CYB5D2: variants seen among roughly 807,000 people sequenced by gnomAD.
CYB5D2 encodes neuferricin.
A neutral mutation model predicts 22.8 loss-of-function variants in CYB5D2; 23 were observed. That is an observed-to-expected ratio of 1.01 (90% CI 0.73 to 1.43). The LOEUF (loss-of-function observed/expected upper bound fraction) is 1.43. Ranked by LOEUF, CYB5D2 falls within the 40% of genes most tolerant of loss-of-function variation. The pLI, the probability that CYB5D2 is intolerant of heterozygous loss-of-function variation, is 0.00. For synonymous variants in CYB5D2, 170 were observed against 152.2 expected, an observed-to-expected ratio of 1.12 and a Z score of -0.86; for missense variants, 373 against 357.2, an observed-to-expected ratio of 1.04 and a Z score of -0.36.
intron 1 of CYB5D2, among the ~76,000 whole-genome samples, chr17:4,145,594 C>G (rs2058981227): frequency 1.3e-5 from 2 of 152,180 alleles, no homozygotes; most frequent in Non-Finnish European, 2.9e-5. Context: ...CTCCCGTGTT[C>G]TGGTATTCAT....
chr17:4,143,748 C>G lies in CYB5D2; in HGVS notation c.-8C>G, dbSNP rs761245074. Reference sequence around the variant, plus strand: ...CCTCGGAAGTGCGGAGCGGGTGGGCCTATATAGATGTTGAGGTGCGGAGGC... The same window carrying G: ...CCTCGGAAGTGCGGAGCGGGTGGGCGTATATAGATGTTGAGGTGCGGAGGC... On this transcript the variant is annotated 5_prime_UTR_variant, in exon 1 of 4. Coordinates refer to ENST00000301391, the MANE Select transcript of CYB5D2 (RefSeq NM_144611.4). 1.2e-6 allele frequency: 2 copies of G among 1,612,020 alleles called. No individual in the cohort carries two copies. Among genetic ancestry groups the G allele is most frequent in the Non-Finnish European group, 1.7e-6 (2 of 1,179,158 alleles).
chr17:4,156,270 G>A (rs1389479704), intron 3 of CYB5D2, among the ~76,000 whole-genome samples: 2 of 152,258 alleles, frequency 1.3e-5, no homozygotes, highest in African/African-American at 4.8e-5. Context: ...AGGTTGTTGG[G>A]CCACAGCTGA....
chr17:4,153,099 G>C (rs1196002608), intron 2 of CYB5D2, among the ~76,000 whole-genome samples: 1 of 152,104 alleles, frequency 6.6e-6, no homozygotes, highest in African/African-American at 2.4e-5. Context: ...TGAGTACTGC[G>C]CCTCACTAGT....
intron 2 of CYB5D2, among the ~76,000 whole-genome samples, 182 bp from the exon 3 acceptor site, chr17:4,154,492 G>A (rs571990267): frequency 1.3e-5 from 2 of 152,324 alleles, no homozygotes; most frequent in African/African-American, 4.8e-5. Context: ...GCAGCTGTGT[G>A]GGGGCTTGTA....
At chr17:4,148,143 A>G (rs1254221919) in intron 1 of CYB5D2, among the ~76,000 whole-genome samples, 3 of 152,130 alleles carry the variant, frequency 2.0e-5, no homozygotes, top group Admixed American at 2.0e-4. Flanking sequence ...GTGGGTGGAG[A>G]CAGGCAGACT....
intron 3 of CYB5D2, among the ~76,000 whole-genome samples, chr17:4,155,658 T>C (rs2059105907): frequency 6.6e-6 from 1 of 152,186 alleles, no homozygotes; most frequent in South Asian, 2.1e-4. Flanking sequence ...TGGGCCTTCC[T>C]GTGACACAGG....
chr17:4,143,949 A>T lies in CYB5D2; in HGVS notation c.194A>T (p.Asp65Val). The T allele has an allele frequency of 6.2e-7, 1 of 1,613,148 alleles. No homozygotes were observed. The highest frequency in any genetic ancestry group is 8.5e-7 in the Non-Finnish European group (1 of 1,179,916). Residue 65 changes from aspartate (D) to valine (V), a missense_variant, in exon 1 of 4, where the codon GAT becomes GTT. Asp to Val is a radical substitution (Grantham distance 152). Coordinates refer to ENST00000301391, the MANE Select transcript of CYB5D2 (RefSeq NM_144611.4). ...TTGGCGTTGCTCGGCCGTGTCTACG[A>T]TGTGTCCTCCGGCCGGAGGCACTAC... Reference protein sequence around the residue: ...LYLALLGRVYDVSSGRRHYEP... With the variant: ...LYLALLGRVYVVSSGRRHYEP...
Position 4,149,898 on chromosome 17 carries a change from C to T in CYB5D2, c.258C>T (p.Asp86=), listed in dbSNP as rs757679512. 1.1e-5 allele frequency: 18 copies of T among 1,613,612 alleles called. No homozygotes were observed. Among genetic ancestry groups the T allele is most frequent in the East Asian group, 1.1e-4 (5 of 44,866 alleles). Residue 86 remains aspartate (D), a synonymous_variant, in exon 2 of 4, where the codon GAC becomes GAT. Transcript: ENST00000301391. Reference sequence around the variant, plus strand: ...GAAACATCTCTGTTCCAGGCCGAGACGCATCCAGAGCTTTCGTGACCGGGG... The same window carrying T: ...GAAACATCTCTGTTCCAGGCCGAGATGCATCCAGAGCTTTCGTGACCGGGG... ...GSHYSGFAGR[D]ASRAFVTGDC...
In CYB5D2 at chr17:4,143,700, T is replaced by G; in HGVS notation, c.-56T>G. 1 of 1,543,752 alleles carries G rather than the reference T, an allele frequency of 6.5e-7. No individual in the cohort carries two copies. Among genetic ancestry groups the G allele is most frequent in the Non-Finnish European group, 8.7e-7 (1 of 1,143,936 alleles). ...CGTCACGCTCGGCGTCTCGGCCATC[T>G]TAGCTGTAGATAGAGGCGGCAACCT... is the stretch of plus-strand genomic sequence containing the variant. On this transcript the variant is annotated 5_prime_UTR_variant, in exon 1 of 4. Coordinates refer to ENST00000301391, the MANE Select transcript of CYB5D2 (RefSeq NM_144611.4).
chr17:4,154,834 C>T lies in CYB5D2; in HGVS notation c.552C>T (p.Gly184=). The stretch of plus-strand genomic sequence containing the variant: ...ACGCGGAGTGGAGCTCAGCCAGGGG[C>T]AGCCGGCTCTGGTGCTCCCAGAAGA... ...PCNAEWSSAR[G]SRLWCSQKSG... The change falls in exon 3 of 4, where the codon GGC becomes GGT. Residue 184 remains glycine (G), a synonymous_variant. Transcript: ENST00000301391. The T allele has an allele frequency of 5.0e-6, 8 of 1,613,894 alleles. No individual in the cohort carries two copies. The highest frequency in any genetic ancestry group is 6.8e-6 in the Non-Finnish European group (8 of 1,179,916).
intron 1 of CYB5D2, among the ~76,000 whole-genome samples, chr17:4,145,385 CAG>C (rs1407769105): frequency 2.0e-5 from 3 of 152,216 alleles, no homozygotes; most frequent in Non-Finnish European, 2.9e-5. Context: ...GGGACTTACT[CAG>C]GGGTACACAG....
intron 2 of CYB5D2, 110 bp downstream of exon 2, chr17:4,150,141 A>G (rs1010225922): frequency 1.6e-5 from 22 of 1,395,198 alleles, no homozygotes; most frequent in Non-Finnish European, 2.1e-5. Flanking sequence ...ACAGCCATGG[A>G]TTTGTTTTAC....
At chr17:4,146,208 C>G (rs2058989429) in intron 1 of CYB5D2, among the ~76,000 whole-genome samples, 1 of 150,440 alleles carries the variant, frequency 6.6e-6, no homozygotes. Context: ...ATTCTTGTGC[C>G]CCAGCCTCCC....
chr17:4,150,184 C>A (rs147852286), intron 2 of CYB5D2, among the ~76,000 whole-genome samples, 153 bp downstream of exon 2: 1 of 152,156 alleles, frequency 6.6e-6, no homozygotes, highest in Non-Finnish European at 1.5e-5. Flanking sequence ...AGGGATGAGC[C>A]GCCCAGAAGG....
chr17:4,156,918 G>T lies in CYB5D2; in HGVS notation c.631G>T (p.Gly211Cys). The T allele has an allele frequency of 6.2e-7, 1 of 1,612,848 alleles. No individual in the cohort carries two copies. Among genetic ancestry groups the T allele is most frequent in the Non-Finnish European group, 8.5e-7 (1 of 1,180,040 alleles). Residue 211 changes from glycine to cysteine, a missense_variant, in exon 4 of 4, where the codon GGT becomes TGT. Coordinates refer to ENST00000301391, the MANE Select transcript of CYB5D2 (RefSeq NM_144611.4). ...IGVPRKLYKP[G>C]AKEPRCVCVR... Reference sequence around the variant, plus strand: ...CGTCCCCAGGAAGCTGTATAAGCCAGGTGCTAAGGAGCCCCGCTGCGTGTG... The same window carrying T: ...CGTCCCCAGGAAGCTGTATAAGCCATGTGCTAAGGAGCCCCGCTGCGTGTG...
At chr17:4,148,165 A>G (rs977454515) in intron 1 of CYB5D2, among the ~76,000 whole-genome samples, 3 of 152,088 alleles carry the variant, frequency 2.0e-5, no homozygotes, top group East Asian at 3.9e-4. Flanking sequence ...ACACAAGAAC[A>G]CTGCTTAGGC....
At chr17:4,156,808 C>A in intron 3 of CYB5D2, 58 bp from the exon 4 acceptor site, 4 of 1,577,250 alleles carry the variant, frequency 2.5e-6, no homozygotes, top group Non-Finnish European at 3.5e-6. Flanking sequence ...CTGCTCTCCC[C>A]TTCCCAGAGA....
At chr17:4,144,139 G>A in intron 1 of CYB5D2, 134 bp downstream of exon 1, 1 of 1,279,104 alleles carries the variant, frequency 7.8e-7, no homozygotes, top group Non-Finnish European at 1.1e-6. Context: ...CGTGCGGTGG[G>A]CGGGACGAGC....
In CYB5D2 at chr17:4,143,287, G is replaced by A. The variant is rs1359036356; in HGVS notation, c.-469G>A. On this transcript the variant is annotated 5_prime_UTR_variant, in exon 1 of 4. Transcript: ENST00000301391. The stretch of plus-strand genomic sequence containing the variant: ...CACGCCTGTAATCCCAGCACTTTGG[G>A]AGGCCGAGACGGGTGGATCACCTGA... 1.1e-5 allele frequency: 2 copies of A among 180,206 alleles called. No homozygotes were observed. Among genetic ancestry groups the A allele is most frequent in the Non-Finnish European group, 2.3e-5 (2 of 86,780 alleles). The allele number at this position is 180,206 out of a possible 1,614,324, so 11.2% of individuals were successfully genotyped here. A position where few individuals can be genotyped will look rare whatever the true frequency, so the allele number is the denominator to read the frequency against.
Sources: allele counts gnomAD v4.1 joint callset (sites outside exome capture counted in the v4.1 genomes callset), GRCh38; gene constraint gnomAD v4.1.1; transcripts MANE v1.5; gene names NCBI Gene and HGNC (gene_info 2026-07-23, HGNC 2026-07-21).